The following AFAP1 variants were observed in gnomAD, a reference collection of about 807,000 sequenced individuals.
The protein encoded by AFAP1 is actin filament-associated protein 1.
AFAP1 carries 75 observed loss-of-function variants against 93.9 expected under a neutral mutation model. The ratio of observed to expected loss-of-function variants is 0.80; its 90% CI spans 0.66 to 0.97. The LOEUF (loss-of-function observed/expected upper bound fraction) is 0.97. Among genes scored for constraint, AFAP1 ranks in the 50% least tolerant of loss-of-function variants. AFAP1 has a pLI of 0.00. For missense variants in AFAP1, 1,201 were observed against 1,050.8 expected (o/e 1.14, Z -1.98); for synonymous variants, 517 against 430.7 (o/e 1.20, Z -2.48).
chr4:7,850,706 G>A (rs1221968203), intron 4 of AFAP1, among the ~76,000 whole-genome samples: 1 of 152,220 alleles, frequency 6.6e-6, no homozygotes, highest in Non-Finnish European at 1.5e-5. Flanking sequence ...GCTGGTGTGG[G>A]GCAGCCATGG....
intron 6 of AFAP1, among the ~76,000 whole-genome samples, chr4:7,827,383 C>A (rs1258545331): frequency 6.6e-6 from 1 of 151,558 alleles, no homozygotes; most frequent in East Asian, 1.9e-4. Context: ...ACCAGCCTGA[C>A]CAACATAGAG....
chr4:7,867,880 C>T (rs1183810861), intron 3 of AFAP1, among the ~76,000 whole-genome samples: 2 of 152,092 alleles, frequency 1.3e-5, no homozygotes, highest in South Asian at 2.1e-4. Flanking sequence ...GATCAAGAAA[C>T]GGCCCTGCCT....
At chr4:7,910,596 A>G (rs1719670364) in intron 1 of AFAP1, among the ~76,000 whole-genome samples, 1 of 152,212 alleles carries the variant, frequency 6.6e-6, no homozygotes, top group African/African-American at 2.4e-5. Flanking sequence ...TTCTGCTCAC[A>G]ACAGCGGGAG....
chr4:7,844,476 T>TTTTG (rs1226566083), intron 4 of AFAP1, among the ~76,000 whole-genome samples: 1 of 152,180 alleles, frequency 6.6e-6, no homozygotes, highest in East Asian at 1.9e-4. Flanking sequence ...AGCAGACTAA[T>TTTTG]ACACTAGGTC....
intron 1 of AFAP1, among the ~76,000 whole-genome samples, chr4:7,891,686 G>A (rs1718480190): frequency 7.2e-6 from 1 of 138,254 alleles, no homozygotes; most frequent in South Asian, 2.3e-4. Flanking sequence ...TCCAAAGGAA[G>A]GAATAAAAAA....
At chr4:7,885,963 T>A (rs886880447) in intron 1 of AFAP1, among the ~76,000 whole-genome samples, 9 of 152,174 alleles carry the variant, frequency 5.9e-5, no homozygotes, top group Admixed American at 5.9e-4. Flanking sequence ...ATATTTTCCC[T>A]TATAGGGTTA....
intron 17 of AFAP1, among the ~76,000 whole-genome samples, chr4:7,765,199 A>G (rs996364543): frequency 6.6e-6 from 1 of 152,154 alleles, no homozygotes; most frequent in African/African-American, 2.4e-5. Flanking sequence ...GGTCCACAGC[A>G]AAGGCCTCCC....
At chr4:7,919,726 A>G (rs1720329543) in intron 1 of AFAP1, among the ~76,000 whole-genome samples, 1 of 151,962 alleles carries the variant, frequency 6.6e-6, no homozygotes, top group Non-Finnish European at 1.5e-5. Flanking sequence ...TGCTGCACCT[A>G]TCAACCCATC....
At chr4:7,819,690 G>A (rs1005907458) in intron 6 of AFAP1, among the ~76,000 whole-genome samples, 1 of 152,206 alleles carries the variant, frequency 6.6e-6, no homozygotes, top group African/African-American at 2.4e-5. Flanking sequence ...AGTGCAAACT[G>A]GCAGGACGGG....
intron 1 of AFAP1, among the ~76,000 whole-genome samples, chr4:7,876,457 C>T (rs942140172): frequency 6.6e-6 from 1 of 152,192 alleles, no homozygotes; most frequent in African/African-American, 2.4e-5. Flanking sequence ...AAACAGGATT[C>T]GGTTGGGATG....
intron 3 of AFAP1, among the ~76,000 whole-genome samples, chr4:7,863,101 C>T (rs555357160): frequency 1.5e-3 from 232 of 152,264 alleles, no homozygotes; most frequent in African/African-American, 5.2e-3. Context: ...CTGCACAGGT[C>T]GCCCTTGAAA....
At chr4:7,892,487 G>A (rs1392948835) in intron 1 of AFAP1, among the ~76,000 whole-genome samples, 1 of 152,182 alleles carries the variant, frequency 6.6e-6, no homozygotes, top group Non-Finnish European at 1.5e-5. Context: ...GGGGAGGTGG[G>A]AATCATTGGA....
rs2240055 is a variant in AFAP1, at chr4:7,763,316, G to A, written c.*449C>T. 0.096 allele frequency: 16,764 copies of A among 175,054 alleles called. 1,224 individuals are homozygous for A. Among genetic ancestry groups the A allele is most frequent in the East Asian group, 0.4 (2,396 of 5,976 alleles). The allele number at this position is 175,054 out of a possible 1,614,324, so 10.8% of individuals were successfully genotyped here. A position where few individuals can be genotyped will look rare whatever the true frequency, so the allele number is the denominator to read the frequency against. On this transcript the variant is annotated 3_prime_UTR_variant, in exon 18 of 18. Coordinates refer to ENST00000420658, the MANE Select transcript of AFAP1 (RefSeq NM_001134647.2). ...GGCCCTCCTGGTGGGCGTGCAAGGC[G>A]AGCCCAGTGCCCATGGCCAGCCACA...
At chr4:7,801,927 A>T in intron 9 of AFAP1, among the ~76,000 whole-genome samples, 1 of 151,202 alleles carries the variant, frequency 6.6e-6, no homozygotes, top group African/African-American at 2.4e-5. Context: ...AAAAAAAAAA[A>T]AAAAAAAAAA....
intron 1 of AFAP1, among the ~76,000 whole-genome samples, chr4:7,912,438 G>A (rs765625693): frequency 3.3e-5 from 5 of 152,168 alleles, no homozygotes; most frequent in Non-Finnish European, 4.4e-5. Flanking sequence ...GAGTGATTCC[G>A]TTTCCCTGCA....
At chr4:7,921,939 A>G (rs973419031) in intron 1 of AFAP1, among the ~76,000 whole-genome samples, 4 of 152,184 alleles carry the variant, frequency 2.6e-5, no homozygotes, top group African/African-American at 9.7e-5. Flanking sequence ...CCTGGCCAAC[A>G]TGGTGAAACC....
At chr4:7,801,351 G>T (rs16841302) in intron 9 of AFAP1, among the ~76,000 whole-genome samples, 2 of 151,938 alleles carry the variant, frequency 1.3e-5, no homozygotes, top group East Asian at 3.9e-4. Flanking sequence ...TTTGTGATCC[G>T]TGTCTCTGGT....
In AFAP1 at chr4:7,764,080, T is replaced by C. The variant is rs7682344; in HGVS notation, c.2419-289A>G. Reference sequence around the variant, plus strand: ...CACCGATGGATAGACATGTAAAACATGGCGAGTACAGACAACACCACGTAT... The same window carrying C: ...CACCGATGGATAGACATGTAAAACACGGCGAGTACAGACAACACCACGTAT... On this transcript the variant is annotated intron_variant, in intron 17 of 17. Coordinates refer to ENST00000420658, the MANE Select transcript of AFAP1 (RefSeq NM_001134647.2). Among the ~76,000 whole-genome samples, 1,286 of 152,236 alleles carry C rather than the reference T, an allele frequency of 8.4e-3. 17 individuals are homozygous for C. Among genetic ancestry groups the C allele is most frequent in the Middle Eastern group, 0.02 (6 of 294 alleles).
chr4:7,811,199 A>T (rs1489092200), intron 8 of AFAP1, among the ~76,000 whole-genome samples: 1 of 152,186 alleles, frequency 6.6e-6, no homozygotes. Context: ...TGTCGTGGGC[A>T]AACCCCAGCG....
Sources: allele counts gnomAD v4.1 joint callset (sites outside exome capture counted in the v4.1 genomes callset), GRCh38; gene constraint gnomAD v4.1.1; transcripts MANE v1.5; gene names NCBI Gene and HGNC (gene_info 2026-07-23, HGNC 2026-07-21).